The following PSMA5 variants were observed in gnomAD, a reference collection of about 807,000 sequenced individuals.
PSMA5 encodes proteasome subunit alpha type-5.
PSMA5 carries 3 observed loss-of-function variants against 34.5 expected under a neutral mutation model. The ratio of observed to expected loss-of-function variants is 0.09; its 90% confidence interval spans 0.04 to 0.22. PSMA5 has a LOEUF of 0.22. PSMA5 is among the 10% of genes least tolerant of loss of function. The probability of loss-of-function intolerance (pLI) is 1.00; values close to 1 mark genes in which losing one functional copy is unlikely to be tolerated. For missense variants in PSMA5, 120 were observed against 286.1 expected (o/e 0.42, Z 4.19); for synonymous variants, 88 against 95.8 (o/e 0.92, Z 0.47).
chr1:109,418,067 T>TA (rs1052747196), intron 2 of PSMA5, among the ~76,000 whole-genome samples: 6 of 150,428 alleles, frequency 4.0e-5, no homozygotes, highest in Admixed American at 6.6e-5. Context: ...CCACAAAAAA[T>TA]AAAAAAAAAT....
rs753130651 is a variant in PSMA5, at chr1:109,412,152, T to C, written c.324A>G (p.Thr108=). ...NHWFTYNETM[T]VESVTQAVSN... Reference sequence around the variant, plus strand: ...ACACAGCTTGGGTCACACTCTCCACTGTCATTGTCTCATTGTAGGTGAACC... The same window carrying C: ...ACACAGCTTGGGTCACACTCTCCACCGTCATTGTCTCATTGTAGGTGAACC... The change falls in exon 5 of 9, where the codon ACA becomes ACG. Residue 108 remains threonine, a synonymous_variant. Coordinates refer to ENST00000271308, the MANE Select transcript of PSMA5 (RefSeq NM_002790.4). 29 of 1,613,958 alleles carry C rather than the reference T, an allele frequency of 1.8e-5. No homozygotes were observed. The highest frequency in any genetic ancestry group is 2.4e-5 in the Non-Finnish European group (28 of 1,179,956).
rs1041311698 is a variant in PSMA5 at position 109,401,701 on chromosome 1, G to A, written c.*312C>T. On this transcript the variant is annotated 3_prime_UTR_variant, in exon 9 of 9. Coordinates refer to ENST00000271308, the MANE Select transcript of PSMA5 (RefSeq NM_002790.4). Reference sequence around the variant, plus strand: ...ACAATGGCTGGGCACAGTGGCTCTCGCCTATAATCCTAGCACTTCAGGAGG... The same window carrying A: ...ACAATGGCTGGGCACAGTGGCTCTCACCTATAATCCTAGCACTTCAGGAGG... The A allele has an allele frequency of 1.0e-5, 2 of 196,398 alleles. No individual in the cohort carries two copies. The highest frequency in any genetic ancestry group is 2.3e-5 in the African/African-American group (1 of 42,660). The allele number at this position is 196,398 out of a possible 1,614,324, so 12.2% of individuals were successfully genotyped here.
At chr1:109,404,647 A>G (rs1653672792) in intron 8 of PSMA5, among the ~76,000 whole-genome samples, 2 of 152,364 alleles carry the variant, frequency 1.3e-5, no homozygotes, top group South Asian at 4.1e-4. Context: ...GCATAATAAT[A>G]AATGTATTTG....
rs1315333290 is a variant in PSMA5, at chr1:109,421,782, AC to A, written c.96+77del. ...CATTTTCTAAAGGAATGGTTAAACCACATTTACTCCAAGTGTTCTGCCAGCA... is the reference window on the plus strand; with the variant it reads ...CATTTTCTAAAGGAATGGTTAAACCAATTTACTCCAAGTGTTCTGCCAGCA... On this transcript the variant is annotated intron_variant, in intron 2 of 8. Transcript: ENST00000271308. The A allele has an allele frequency of 2.0e-5, 23 of 1,172,760 alleles. No individual in the cohort carries two copies. In the African/African-American group the frequency reaches 3.5e-4, roughly 18 times the overall value. The allele number at this position is 1,172,760 out of a possible 1,614,324, so 72.6% of individuals were successfully genotyped here. A position where few individuals can be genotyped will look rare whatever the true frequency, so the allele number is the denominator to read the frequency against.
At chr1:109,424,615 A>C (rs1654577235) in intron 1 of PSMA5, among the ~76,000 whole-genome samples, 1 of 151,872 alleles carries the variant, frequency 6.6e-6, no homozygotes, top group Admixed American at 6.6e-5. Context: ...GTCTCTACTA[A>C]AAACACAAAA....
intron 1 of PSMA5, among the ~76,000 whole-genome samples, chr1:109,425,159 G>A (rs942761859): frequency 1.3e-5 from 2 of 152,200 alleles, no homozygotes; most frequent in Non-Finnish European, 2.9e-5. Context: ...CTTGTTCACA[G>A]CAAGCACTCA....
intron 8 of PSMA5, among the ~76,000 whole-genome samples, chr1:109,405,627 C>G (rs1653726149): frequency 6.6e-6 from 1 of 151,956 alleles, no homozygotes; most frequent in Non-Finnish European, 1.5e-5. Context: ...TTATTAGAGA[C>G]AGGGGTTTCA....
At chr1:109,416,193 A>G (rs566158238) in intron 2 of PSMA5, among the ~76,000 whole-genome samples, 33 of 152,306 alleles carry the variant, frequency 2.2e-4, no homozygotes, top group African/African-American at 7.2e-4. Flanking sequence ...ATCTCTCTCA[A>G]TGTATCTCTA....
At chr1:109,425,327 C>G (rs1046980113) in intron 1 of PSMA5, 4 of 152,212 alleles carry the variant, frequency 2.6e-5, no homozygotes, top group African/African-American at 9.6e-5. Flanking sequence ...CATACACACC[C>G]TAACTCAAAA....
chr1:109,405,519 C>T (rs1421544174), intron 8 of PSMA5, among the ~76,000 whole-genome samples: 1 of 133,522 alleles, frequency 7.5e-6, no homozygotes, highest in Non-Finnish European at 1.5e-5. Context: ...CTCACTGCAA[C>T]CTCCGCCTCC....
chr1:109,415,915 C>T (rs1360821103), intron 2 of PSMA5, among the ~76,000 whole-genome samples: 1 of 152,056 alleles, frequency 6.6e-6, no homozygotes, highest in African/African-American at 2.4e-5. Context: ...AAAAGAACCA[C>T]CACCATCATC....
chr1:109,408,708 C>T (rs1436000765), intron 8 of PSMA5, among the ~76,000 whole-genome samples: 10 of 142,810 alleles, frequency 7.0e-5, no homozygotes, highest in South Asian at 2.2e-4. Flanking sequence ...TTTTTTTTTT[C>T]GGGACGGAGT....
intron 2 of PSMA5, among the ~76,000 whole-genome samples, chr1:109,418,036 C>T (rs976015158): frequency 4.6e-5 from 7 of 151,972 alleles, no homozygotes; most frequent in East Asian, 1.9e-4. Context: ...CCAGCCTGGG[C>T]AACATGGCAA....
intron 1 of PSMA5, among the ~76,000 whole-genome samples, chr1:109,424,579 C>G (rs1654575441): frequency 6.6e-6 from 1 of 151,944 alleles, no homozygotes; most frequent in Non-Finnish European, 1.5e-5. Flanking sequence ...AGTTCAAGAC[C>G]AGCCTGGCCA....
At chr1:109,424,288 G>A (rs922073780) in intron 1 of PSMA5, among the ~76,000 whole-genome samples, 2 of 151,056 alleles carry the variant, frequency 1.3e-5, no homozygotes, top group Non-Finnish European at 3.0e-5. Context: ...AGTTACTTCT[G>A]TAAACAATTC....
At chr1:109,410,531 C>A (rs1409615233) in intron 7 of PSMA5, among the ~76,000 whole-genome samples, 2 of 152,202 alleles carry the variant, frequency 1.3e-5, no homozygotes, top group Non-Finnish European at 2.9e-5. Context: ...CAATGAGTTA[C>A]CCAAAACCAA....
chr1:109,418,361 C>T (rs183783279), intron 2 of PSMA5, among the ~76,000 whole-genome samples: 4 of 152,252 alleles, frequency 2.6e-5, no homozygotes, highest in African/African-American at 9.6e-5. Flanking sequence ...CTGTTGCCCA[C>T]GATGGAGTGC....
intron 8 of PSMA5, among the ~76,000 whole-genome samples, chr1:109,402,390 C>T (rs1401875594): frequency 6.6e-6 from 1 of 152,150 alleles, no homozygotes; most frequent in Non-Finnish European, 1.5e-5. Flanking sequence ...AAAGCAGCAG[C>T]AAAGTACATG....
chr1:109,426,142 G>A (rs1654647658), intron 1 of PSMA5, 160 bp downstream of exon 1: 2 of 917,508 alleles, frequency 2.2e-6, no homozygotes, highest in East Asian at 2.6e-5. Flanking sequence ...GTCTAGCTTG[G>A]GGAAGGACGG....
Sources: gnomAD v4.1 joint callset for allele counts (sites outside exome capture counted in the v4.1 genomes callset) on GRCh38, gnomAD v4.1.1 for gene constraint, MANE v1.5 for transcripts, NCBI Gene and HGNC (gene_info 2026-07-23, HGNC 2026-07-21) for gene names.